ANKRD36C: variants seen among roughly 807,000 people sequenced by gnomAD.
ANKRD36C encodes ankyrin repeat domain 36C, also known as ankyrin repeat domain-containing protein 36C.
Under a neutral mutation model 276.4 loss-of-function variants are expected in ANKRD36C, and 61 were observed. That is an observed-to-expected ratio of 0.22 (90% CI 0.18 to 0.27). The LOEUF (loss-of-function observed/expected upper bound fraction) is 0.27. Ranked by LOEUF, ANKRD36C falls within the 10% of genes least tolerant of loss-of-function variation. The pLI is 1.00. For synonymous variants in ANKRD36C, 483 were observed against 680.1 expected (o/e 0.71, Z 4.51); for missense variants, 1,447 against 2,032.3 (o/e 0.71, Z 5.54).
chr2:95,866,072 T>C (rs529882331), intron 60 of ANKRD36C, among the ~76,000 whole-genome samples: 1,833 of 147,508 alleles, frequency 0.012, 6 homozygotes, highest in Non-Finnish European at 0.018. Flanking sequence ...GTTGGAACAA[T>C]TGGCTGTCCA....
At chr2:95,937,294 G>A (rs1281141151) in intron 22 of ANKRD36C, among the ~76,000 whole-genome samples, 136 of 144,264 alleles carry the variant, frequency 9.4e-4, no homozygotes, top group Middle Eastern at 7.4e-3. Context: ...CACTTGTGAA[G>A]ACTTGGGAAA....
chr2:95,976,141 C>G (rs369862502), intron 6 of ANKRD36C, among the ~76,000 whole-genome samples: 20 of 152,062 alleles, frequency 1.3e-4, no homozygotes, highest in East Asian at 1.2e-3. Flanking sequence ...AGGTGCTGGA[C>G]AGGATGTGGA....
chr2:95,947,890 A>G (rs1678095943), intron 17 of ANKRD36C, among the ~76,000 whole-genome samples: 2 of 152,118 alleles, frequency 1.3e-5, no homozygotes, highest in Non-Finnish European at 2.9e-5. Flanking sequence ...TGGGATTAAG[A>G]AATTCTCCTG....
At chr2:95,916,819 T>A (rs1313443943) in intron 36 of ANKRD36C, among the ~76,000 whole-genome samples, 2 of 151,640 alleles carry the variant, frequency 1.3e-5, no homozygotes, top group African/African-American at 2.4e-5. Flanking sequence ...AATTTCTTCA[T>A]CTAGTCGTGG....
intron 19 of ANKRD36C, among the ~76,000 whole-genome samples, chr2:95,943,976 A>G (rs1677967056): frequency 6.6e-6 from 1 of 152,222 alleles, no homozygotes; most frequent in Non-Finnish European, 1.5e-5. Flanking sequence ...AGAAATATTC[A>G]AGTTATTCTC....
At chr2:95,910,427 C>A in intron 42 of ANKRD36C, 2 of 1,561,178 alleles carry the variant, frequency 1.3e-6, no homozygotes, top group South Asian at 1.2e-5. Context: ...AAAACAGAAT[C>A]TTCCTCGTCA....
intron 63 of ANKRD36C, among the ~76,000 whole-genome samples, chr2:95,854,779 A>C (rs1675370247): frequency 6.6e-6 from 1 of 152,124 alleles, no homozygotes; most frequent in African/African-American, 2.4e-5. Context: ...GAAAAACAAA[A>C]TTTTACCAAC....
chr2:95,917,461 T>C (rs1356395400), intron 36 of ANKRD36C, among the ~76,000 whole-genome samples: 1 of 151,588 alleles, frequency 6.6e-6, no homozygotes, highest in Non-Finnish European at 1.5e-5. Flanking sequence ...ATTATTACTA[T>C]CAGTTTTCTG....
At chr2:95,972,981 A>G (rs1311478874) in intron 6 of ANKRD36C, among the ~76,000 whole-genome samples, 1 of 152,176 alleles carries the variant, frequency 6.6e-6, no homozygotes, top group East Asian at 1.9e-4. Context: ...GCAATGACAC[A>G]CACCTGTAGT....
In ANKRD36C at chr2:95,925,030, C is replaced by G. The variant is rs1411093713; in HGVS notation, c.2041+322G>C. ...ATCTATAATTTCTGTTACTTCTTCT[C>G]TTTCTCCTTCCCCTCTCCATAGAAA... On this transcript the variant is annotated intron_variant, in intron 30 of 66. Coordinates refer to ENST00000456556, the Ensembl canonical transcript of ANKRD36C. Among the ~76,000 whole-genome samples the G allele has an allele frequency of 2.0e-5, 3 of 151,738 alleles. No homozygotes were observed. In the East Asian group the frequency reaches 5.9e-4, roughly 30 times the overall value.
At chr2:95,854,651 T>G (rs1419853942) in intron 63 of ANKRD36C, among the ~76,000 whole-genome samples, 10 of 152,194 alleles carry the variant, frequency 6.6e-5, no homozygotes, top group Middle Eastern at 3.2e-3. Flanking sequence ...TAAAATTTAC[T>G]GCATTTTCCC....
intron 52 of ANKRD36C, 70 bp from the exon 73 acceptor site, chr2:95,884,438 T>TGTTA (rs1676156812): frequency 6.2e-7 from 1 of 1,604,076 alleles, no homozygotes; most frequent in Non-Finnish European, 8.5e-7. Flanking sequence ...ATTCATGCAG[T>TGTTA]GTTAGCATCA....
intron 28 of ANKRD36C, among the ~76,000 whole-genome samples, chr2:95,926,416 A>T (rs1203438947): frequency 6.6e-6 from 1 of 151,576 alleles, no homozygotes; most frequent in Non-Finnish European, 1.5e-5. Context: ...GGCATAAAAT[A>T]TCATGTTATT....
At chr2:95,958,325 T>C (rs1272544780) in intron 12 of ANKRD36C, among the ~76,000 whole-genome samples, 1 of 152,058 alleles carries the variant, frequency 6.6e-6, no homozygotes, top group Non-Finnish European at 1.5e-5. Flanking sequence ...AATTATGCTG[T>C]CCCCTCAGCC....
intron 60 of ANKRD36C, among the ~76,000 whole-genome samples, chr2:95,865,097 A>G (rs1392091994): frequency 6.6e-6 from 1 of 152,074 alleles, no homozygotes; most frequent in Non-Finnish European, 1.5e-5. Flanking sequence ...ATCTACATTA[A>G]GTAAACTATC....
At chr2:95,974,141 C>A (rs1359694838) in intron 6 of ANKRD36C, among the ~76,000 whole-genome samples, 10 of 151,960 alleles carry the variant, frequency 6.6e-5, no homozygotes, top group Non-Finnish European at 1.5e-4. Context: ...TAACAGATTA[C>A]CAATATTTGA....
At chr2:95,864,965 G>GT (rs1226271782) in intron 60 of ANKRD36C, among the ~76,000 whole-genome samples, 1 of 151,978 alleles carries the variant, frequency 6.6e-6, no homozygotes, top group Admixed American at 6.6e-5. Flanking sequence ...AAAATTAACT[G>GT]TATTTCTATA....
rs372163659 is a variant in ANKRD36C, at chr2:95,927,370, T to C, written c.1866+11A>G. On this transcript the variant is annotated intron_variant, in intron 27 of 66. Transcript: ENST00000456556. Reference sequence around the variant, plus strand: ...GTTAATAGTTCAACATATAAATGAGTCTTTAATTACCTTCTCAGCTGGTTG... The same window carrying C: ...GTTAATAGTTCAACATATAAATGAGCCTTTAATTACCTTCTCAGCTGGTTG... 4.4e-6 allele frequency: 7 copies of C among 1,606,212 alleles called. No individual in the cohort carries two copies. The highest frequency in any genetic ancestry group is 3.3e-5 in the South Asian group (3 of 90,956).
intron 58 of ANKRD36C, among the ~76,000 whole-genome samples, chr2:95,879,755 A>G (rs1469715445): frequency 6.6e-6 from 1 of 152,084 alleles, no homozygotes; most frequent in African/African-American, 2.4e-5. Context: ...CATAATTTTA[A>G]TTGACTTTTA....
Sources: allele counts gnomAD v4.1 joint callset (sites outside exome capture counted in the v4.1 genomes callset), GRCh38; gene constraint gnomAD v4.1.1; transcripts MANE v1.5; gene names NCBI Gene and HGNC (gene_info 2026-07-23, HGNC 2026-07-21).